RBFOX1: variants seen among roughly 807,000 people sequenced by gnomAD.
RBFOX1 encodes the protein RNA binding fox-1 homolog 1.
RBFOX1 carries 8 observed loss-of-function variants against 57.7 expected under a neutral mutation model. That is an observed-to-expected ratio of 0.14 (90% CI 0.08 to 0.25). The LOEUF (loss-of-function observed/expected upper bound fraction) is 0.25, where lower values mean the gene tolerates loss of function less well. Ranked by LOEUF, RBFOX1 falls within the 10% of genes least tolerant of loss-of-function variation. The probability of loss-of-function intolerance (pLI) is 1.00; values close to 1 mark genes in which losing one functional copy is unlikely to be tolerated. For synonymous variants in RBFOX1, 326 were observed against 222.4 expected, an observed-to-expected ratio of 1.47 and a Z score of -4.15; for missense variants, 611 against 548.5, an observed-to-expected ratio of 1.11 and a Z score of -1.14.
At chr16:6,849,388 G>A (rs192536996) in intron 3 of RBFOX1, among the ~76,000 whole-genome samples, 1 of 152,288 alleles carries the variant, frequency 6.6e-6, no homozygotes, top group African/African-American at 2.4e-5. Context: ...GAAAGGCCTG[G>A]CTGGGTGTGG....
At chr16:7,187,866 G>A (rs2084318802) in intron 4 of RBFOX1, among the ~76,000 whole-genome samples, 1 of 152,016 alleles carries the variant, frequency 6.6e-6, no homozygotes, top group Admixed American at 6.6e-5. Context: ...ATTTATGGCG[G>A]TCATATTGGA....
intron 1 of RBFOX1, among the ~76,000 whole-genome samples, chr16:6,297,586 C>G (rs1341169333): frequency 3.3e-5 from 5 of 152,074 alleles, no homozygotes; most frequent in Admixed American, 2.0e-4. Context: ...GAGGGCAGTT[C>G]CTTGGCAAAG....
downstream of RBFOX1, among the ~76,000 whole-genome samples, chr16:5,602,731 AATAAT>A (rs2047406691): frequency 6.6e-6 from 1 of 152,278 alleles, no homozygotes; most frequent in South Asian, 2.1e-4. Flanking sequence ...CAGTGGTAGT[AATAAT>A]ATAATATTAG....
At chr16:6,632,838 T>C (rs948121189) in intron 2 of RBFOX1, among the ~76,000 whole-genome samples, 3 of 152,360 alleles carry the variant, frequency 2.0e-5, no homozygotes, top group African/African-American at 7.2e-5. Flanking sequence ...GGAGCTGCTC[T>C]CTTTTCTTAA....
intron 3 of RBFOX1, among the ~76,000 whole-genome samples, chr16:5,848,096 G>C (rs1441681210): frequency 1.3e-5 from 2 of 152,060 alleles, no homozygotes; most frequent in Admixed American, 1.3e-4. Context: ...CCAGAGATTT[G>C]TTCCTTGTCT....
At chr16:7,207,917 C>T (rs1392513376) in intron 4 of RBFOX1, among the ~76,000 whole-genome samples, 1 of 152,144 alleles carries the variant, frequency 6.6e-6, no homozygotes. Context: ...CAGGGTGCAT[C>T]CTCTCCTTCC....
intron 4 of RBFOX1, among the ~76,000 whole-genome samples, chr16:7,468,756 A>C (rs910965153): frequency 6.6e-6 from 1 of 152,014 alleles, no homozygotes; most frequent in Non-Finnish European, 1.5e-5. Context: ...GATTTAGGAG[A>C]TTGTCTGGCT....
At chr16:7,167,262 A>G (rs2079761116) in intron 4 of RBFOX1, among the ~76,000 whole-genome samples, 1 of 151,992 alleles carries the variant, frequency 6.6e-6, no homozygotes, top group Non-Finnish European at 1.5e-5. Flanking sequence ...CTGGGATTAC[A>G]GGTGTGAGCC....
At chr16:6,084,495 C>T (rs1380743848) in intron 1 of RBFOX1, among the ~76,000 whole-genome samples, 1 of 152,182 alleles carries the variant, frequency 6.6e-6, no homozygotes. Flanking sequence ...TCCTCAGCCT[C>T]TGCCTCCCAA....
At position 6,655,055 on chromosome 16, in the gene RBFOX1, C is replaced by A. The variant is rs1441405070; in HGVS notation, c.-16+405C>A. Among the ~76,000 whole-genome samples the A allele has an allele frequency of 3.3e-5, 5 of 151,402 alleles. 1 individual carries two copies. The highest frequency in any genetic ancestry group is 3.3e-4 in the Admixed American group (5 of 15,200). On this transcript the variant is annotated intron_variant, in intron 3 of 15. Coordinates refer to ENST00000550418, the MANE Select transcript of RBFOX1 (RefSeq NM_018723.4). ...ATATTAGGCTTCCCAGGGTGTGTCCCTATATATCTGACTCATACACTTGAA... is the reference window on the plus strand; with the variant it reads ...ATATTAGGCTTCCCAGGGTGTGTCCATATATATCTGACTCATACACTTGAA...
At chr16:6,538,541 C>G (rs892284812) in intron 2 of RBFOX1, among the ~76,000 whole-genome samples, 1 of 152,102 alleles carries the variant, frequency 6.6e-6, no homozygotes, top group Non-Finnish European at 1.5e-5. Context: ...AGACATCATG[C>G]CACACCCACT....
At chr16:7,354,588 A>T (rs973728336) in intron 4 of RBFOX1, among the ~76,000 whole-genome samples, 4 of 152,236 alleles carry the variant, frequency 2.6e-5, no homozygotes, top group Non-Finnish European at 5.9e-5. Context: ...TGAAATGCTT[A>T]GGATTTCATT....
chr16:6,723,602 T>A (rs1278815629), intron 3 of RBFOX1: 1 of 152,206 alleles, frequency 6.6e-6, no homozygotes, highest in Non-Finnish European at 1.5e-5. Flanking sequence ...ATATCTTGAG[T>A]GAGCCCTGTT....
intron 3 of RBFOX1, among the ~76,000 whole-genome samples, chr16:6,721,074 C>G (rs1223233222): frequency 1.3e-5 from 2 of 152,136 alleles, no homozygotes; most frequent in Non-Finnish European, 2.9e-5. Flanking sequence ...AATATTGCCT[C>G]TTCTGATAGC....
Position 7,642,012 on chromosome 16 carries a change from G to A in RBFOX1, c.757+11329G>A, listed in dbSNP as rs2062896425. 2.0e-5 allele frequency among the ~76,000 whole-genome samples: 3 copies of A among 152,150 alleles called. No homozygotes were observed. The South Asian group carries it at 6.2e-4, about 32-fold the overall frequency. On this transcript the variant is annotated intron_variant, in intron 11 of 15. Coordinates refer to ENST00000550418, the MANE Select transcript of RBFOX1 (RefSeq NM_018723.4). ...CTTTTATAGTCCTAGCTACTGGAAG[G>A]GCTGAGGTGGGAGGATGACTTGAGC...
intron 3 of RBFOX1, among the ~76,000 whole-genome samples, chr16:6,958,611 C>T (rs1010852456): frequency 2.0e-5 from 3 of 152,168 alleles, no homozygotes; most frequent in Admixed American, 6.5e-5. Flanking sequence ...GGAACGCACG[C>T]TCAGAGTAGG....
intron 3 of RBFOX1, among the ~76,000 whole-genome samples, chr16:6,823,636 G>A (rs1428655664): frequency 6.6e-6 from 1 of 152,036 alleles, no homozygotes; most frequent in East Asian, 1.9e-4. Context: ...CCTTGATTTT[G>A]AATCTCCCTA....
intron 3 of RBFOX1, among the ~76,000 whole-genome samples, chr16:7,028,607 CACAAAAAAAA>C (rs1208928614): frequency 2.9e-4 from 14 of 47,900 alleles, no homozygotes; most frequent in African/African-American, 1.2e-3. Context: ...CACACACACA[CACAAAAAAAA>C]AAAAAAAAAA....
At chr16:6,273,200 A>G (rs967367462) in intron 1 of RBFOX1, among the ~76,000 whole-genome samples, 1 of 151,168 alleles carries the variant, frequency 6.6e-6, no homozygotes, top group African/African-American at 2.4e-5. Context: ...CAGAGGTTGC[A>G]GTGAGCCATG....
Sources: allele counts gnomAD v4.1 joint callset (sites outside exome capture counted in the v4.1 genomes callset), GRCh38; gene constraint gnomAD v4.1.1; transcripts MANE v1.5; gene names NCBI Gene and HGNC (gene_info 2026-07-23, HGNC 2026-07-21).